The following UBE2K variants were observed in gnomAD, a reference collection of about 807,000 sequenced individuals.
UBE2K encodes the protein ubiquitin-conjugating enzyme E2 K.
In UBE2K, 6 loss-of-function variants were observed where a neutral mutation model predicts 30.0. The ratio of observed to expected loss-of-function variants is 0.20; its 90% CI spans 0.11 to 0.39. The LOEUF is 0.39. Among genes scored for constraint, UBE2K ranks in the 10% least tolerant of loss-of-function variants. The pLI is 1.00. For missense variants in UBE2K, 61 were observed against 241.6 expected, an observed-to-expected ratio of 0.25 and a Z score of 4.96; for synonymous variants, 86 against 83.7, an observed-to-expected ratio of 1.03 and a Z score of -0.15.
chr4:39,748,875 C>G (rs964969386), intron 3 of UBE2K, among the ~76,000 whole-genome samples: 1 of 152,056 alleles, frequency 6.6e-6, no homozygotes, highest in Non-Finnish European at 1.5e-5. Flanking sequence ...TGGCATTACG[C>G]TCTTGCAGTA....
intron 1 of UBE2K, among the ~76,000 whole-genome samples, chr4:39,711,362 C>T (rs1168703423): frequency 6.6e-6 from 1 of 151,514 alleles, no homozygotes; most frequent in Admixed American, 6.6e-5. Context: ...CAGGGTTTCA[C>T]CGTGTTAGCC....
intron 4 of UBE2K, among the ~76,000 whole-genome samples, chr4:39,759,553 C>T (rs566623882): frequency 6.6e-6 from 1 of 152,292 alleles, no homozygotes; most frequent in Admixed American, 6.5e-5. Flanking sequence ...CAGAGTGCTG[C>T]AATGACAGGC....
chr4:39,763,155 C>G (rs945045791), intron 4 of UBE2K, among the ~76,000 whole-genome samples: 2 of 148,964 alleles, frequency 1.3e-5, no homozygotes, highest in African/African-American at 4.8e-5. Context: ...GTTGGCCAGG[C>G]TGGTCTGGAA....
chr4:39,724,404 C>T (rs1379385983), intron 1 of UBE2K, among the ~76,000 whole-genome samples: 2 of 151,736 alleles, frequency 1.3e-5, no homozygotes, highest in Non-Finnish European at 2.9e-5. Flanking sequence ...TGCACCCAGC[C>T]CAAACTGTAT....
chr4:39,753,892 G>A (rs1013647527), intron 3 of UBE2K, among the ~76,000 whole-genome samples: 1 of 152,106 alleles, frequency 6.6e-6, no homozygotes, highest in Non-Finnish European at 1.5e-5. Context: ...AGGCCGAGGC[G>A]GGTGGATCAC....
At position 39,732,336 on chromosome 4, in the gene UBE2K, C is replaced by G. The variant is rs142426360; in HGVS notation, c.64-5084C>G. On this transcript the variant is annotated intron_variant, in intron 1 of 6. Coordinates refer to ENST00000261427, the MANE Select transcript of UBE2K (RefSeq NM_005339.5). ...TTTAGTCCTTAAATGATAAAATCTT[C>G]CAGTGTTTAGTTTTTCCCACTAGAA... 6.6e-5 allele frequency among the ~76,000 whole-genome samples: 10 copies of G among 152,234 alleles called. No individual in the cohort carries two copies. The East Asian group carries it at 1.7e-3, about 26-fold the overall frequency.
At chr4:39,754,901 G>T (rs1721450595) in intron 3 of UBE2K, among the ~76,000 whole-genome samples, 1 of 152,120 alleles carries the variant, frequency 6.6e-6, no homozygotes, top group Non-Finnish European at 1.5e-5. Flanking sequence ...TCAGAGATAG[G>T]AATACAAGAT....
At chr4:39,773,210 C>T (rs987059383) in intron 4 of UBE2K, among the ~76,000 whole-genome samples, 3 of 151,954 alleles carry the variant, frequency 2.0e-5, no homozygotes, top group Non-Finnish European at 4.4e-5. Flanking sequence ...TGGCTCAAGC[C>T]TGTAATCCCA....
intron 1 of UBE2K, among the ~76,000 whole-genome samples, chr4:39,715,297 G>A (rs1295349502): frequency 6.6e-6 from 1 of 151,684 alleles, no homozygotes; most frequent in Non-Finnish European, 1.5e-5. Flanking sequence ...CAAAGTGCTG[G>A]GATTACAGAC....
chr4:39,723,679 A>G (rs1400286561), intron 1 of UBE2K, among the ~76,000 whole-genome samples: 1 of 152,030 alleles, frequency 6.6e-6, no homozygotes, highest in Non-Finnish European at 1.5e-5. Context: ...GTCTGCTCTT[A>G]AAGAGATTAA....
chr4:39,724,122 T>A lies in UBE2K; in HGVS notation c.64-13298T>A, dbSNP rs1237003658. Among the ~76,000 whole-genome samples, 75 of 5,692 alleles carry A rather than the reference T, an allele frequency of 0.013. 1 individual carries two copies. The Admixed American group carries it at 0.15, about 12-fold the overall frequency. 3.7% of individuals were successfully genotyped at this position (5,692 alleles called of 152,430 possible). On this transcript the variant is annotated intron_variant, in intron 1 of 6. Coordinates refer to ENST00000261427, the MANE Select transcript of UBE2K (RefSeq NM_005339.5). ...GCCACCATGCCCAGTCCTTTTTTAA[T>A]TTTTTTTTTTTTTTTAATTGTTGTC... is the stretch of plus-strand genomic sequence containing the variant.
chr4:39,714,539 TATATATATA>T (rs1430110755), intron 1 of UBE2K: 18 of 50,054 alleles, frequency 3.6e-4, no homozygotes, highest in African/African-American at 2.5e-3. Context: ...TATATATATA[TATATATATA>T]TATTTTTTTT....
In UBE2K at chr4:39,755,698, C is replaced by A. The variant is rs757601110; in HGVS notation, c.258C>A (p.Ser86=). 6.3e-7 allele frequency: 1 copy of A among 1,598,286 alleles called. No individual in the cohort carries two copies. The highest frequency in any genetic ancestry group is 8.5e-7 in the Non-Finnish European group (1 of 1,176,100). ...AAATATGGCATCCTAATATTAGTTC[C>A]GTCACAGGGGCTATTTGTTTGGATA... ...ITKIWHPNIS[S]VTGAICLDIL... The change falls in exon 4 of 7, where the codon TCC becomes TCA. Residue 86 remains serine, a synonymous_variant. Transcript: ENST00000261427.
At chr4:39,742,377 T>C (rs1720751449) in intron 2 of UBE2K, among the ~76,000 whole-genome samples, 1 of 152,146 alleles carries the variant, frequency 6.6e-6, no homozygotes, top group Non-Finnish European at 1.5e-5. Flanking sequence ...ATTTCATTAT[T>C]GTTATATGTT....
Position 39,778,455 on chromosome 4 carries a change from T to G in UBE2K, c.*21T>G. ...ACTGAGGCATAGAGAGCTGCTGATA[T>G]AGTCAAGCTTGCCTCTTCTTGAGGA... On this transcript the variant is annotated 3_prime_UTR_variant, in exon 7 of 7. Coordinates refer to ENST00000261427, the MANE Select transcript of UBE2K (RefSeq NM_005339.5). The G allele has an allele frequency of 1.3e-6, 2 of 1,545,938 alleles. No individual in the cohort carries two copies. Among genetic ancestry groups the G allele is most frequent in the Non-Finnish European group, 1.8e-6 (2 of 1,122,084 alleles).
rs187125697 is a variant in UBE2K at position 39,775,305 on chromosome 4, A to G, written c.399+372A>G. ...CTAATAATTTTAATCACCTCCTATCATGGGACTTATGTGACATGGCACAGT... is the reference window on the plus strand; with the variant it reads ...CTAATAATTTTAATCACCTCCTATCGTGGGACTTATGTGACATGGCACAGT... On this transcript the variant is annotated intron_variant, in intron 5 of 6. Coordinates refer to ENST00000261427, the MANE Select transcript of UBE2K (RefSeq NM_005339.5). 1.5e-4 allele frequency among the ~76,000 whole-genome samples: 23 copies of G among 152,288 alleles called. No homozygotes were observed. In the East Asian group the frequency reaches 2.3e-3, roughly 15 times the overall value.
intron 4 of UBE2K, chr4:39,771,032 C>A (rs1461203361): frequency 1.2e-6 from 2 of 1,612,136 alleles, no homozygotes; most frequent in Non-Finnish European, 1.7e-6. Flanking sequence ...CGGACCCCAT[C>A]CTCTTTGAGG....
At chr4:39,743,618 A>G (rs907355823) in intron 2 of UBE2K, among the ~76,000 whole-genome samples, 53 of 148,718 alleles carry the variant, frequency 3.6e-4, no homozygotes, top group African/African-American at 1.1e-3. Flanking sequence ...AAAAAAAAAA[A>G]GAATATAATG....
chr4:39,698,637 G>C (rs1027507294), intron 1 of UBE2K, among the ~76,000 whole-genome samples: 2 of 152,106 alleles, frequency 1.3e-5, no homozygotes, highest in Non-Finnish European at 2.9e-5. Flanking sequence ...TGATGGACAG[G>C]GGGCAACTCC....
Sources: allele counts gnomAD v4.1 joint callset (sites outside exome capture counted in the v4.1 genomes callset), GRCh38; gene constraint gnomAD v4.1.1; transcripts MANE v1.5; gene names NCBI Gene and HGNC (gene_info 2026-07-23, HGNC 2026-07-21).